The following NDUFAF2 variants were observed in gnomAD, a reference collection of about 807,000 sequenced individuals.
The protein encoded by NDUFAF2 is NADH dehydrogenase [ubiquinone] 1 alpha subcomplex assembly factor 2.
A neutral mutation model predicts 22.8 loss-of-function variants in NDUFAF2; 13 were observed. The ratio of observed to expected loss-of-function variants is 0.57; its 90% CI spans 0.37 to 0.91. The LOEUF (loss-of-function observed/expected upper bound fraction) is 0.91. NDUFAF2 is among the 40% of genes least tolerant of loss of function. NDUFAF2 has a pLI of 0.01. For missense variants in NDUFAF2, 162 were observed against 195.2 expected, an observed-to-expected ratio of 0.83 and a Z score of 1.01; for synonymous variants, 53 against 64.2, an observed-to-expected ratio of 0.83 and a Z score of 0.84.
chr5:61,049,858 A>G (rs1441612086), intron 1 of NDUFAF2, among the ~76,000 whole-genome samples: 1 of 149,196 alleles, frequency 6.7e-6, no homozygotes, highest in African/African-American at 2.5e-5. Flanking sequence ...TGAAAATTAT[A>G]TATACACAAA....
chr5:60,980,255 T>C (rs917532765), intron 1 of NDUFAF2, among the ~76,000 whole-genome samples: 1 of 152,198 alleles, frequency 6.6e-6, no homozygotes, highest in Non-Finnish European at 1.5e-5. Flanking sequence ...CAGCAGCGAA[T>C]ATCCATAAGC....
intron 3 of NDUFAF2, among the ~76,000 whole-genome samples, chr5:61,138,279 A>G (rs1486204584): frequency 5.5e-5 from 5 of 90,398 alleles, no homozygotes; most frequent in Non-Finnish European, 1.2e-4. Context: ...GAGTCCAAGC[A>G]AGAAATGCTA....
chr5:60,976,399 C>T (rs924920271), intron 1 of NDUFAF2, among the ~76,000 whole-genome samples: 1 of 151,684 alleles, frequency 6.6e-6, no homozygotes, highest in African/African-American at 2.4e-5. Context: ...TTAAATTTCT[C>T]AGACTCTTCT....
rs182728114 is a variant in NDUFAF2 at position 61,083,028 on chromosome 5, A to G, written c.217+9814A>G. On this transcript the variant is annotated intron_variant, in intron 2 of 3. Coordinates refer to ENST00000296597, the MANE Select transcript of NDUFAF2 (RefSeq NM_174889.5). ...AGTGTTCCCATTTCTTTGCAACTTC[A>G]CCAACATCTCTTATTTTTTGACTTT... is the stretch of plus-strand genomic sequence containing the variant. 3.0e-3 allele frequency among the ~76,000 whole-genome samples: 462 copies of G among 152,202 alleles called. 2 individuals are homozygous for G. Among genetic ancestry groups the G allele is most frequent in the Non-Finnish European group, 4.8e-3 (325 of 67,994 alleles).
chr5:60,950,222 C>T (rs578187510), intron 1 of NDUFAF2, among the ~76,000 whole-genome samples: 4 of 152,058 alleles, frequency 2.6e-5, no homozygotes, highest in South Asian at 2.1e-4. Context: ...ATTTCGCTCT[C>T]GTTGCCCAGG....
At chr5:61,036,629 G>C (rs538864717) in intron 1 of NDUFAF2, among the ~76,000 whole-genome samples, 1 of 152,104 alleles carries the variant, frequency 6.6e-6, no homozygotes, top group African/African-American at 2.4e-5. Flanking sequence ...GAAACTACAA[G>C]GTATAGGAAA....
chr5:60,978,588 G>C (rs540488870), intron 1 of NDUFAF2, among the ~76,000 whole-genome samples: 141 of 152,290 alleles, frequency 9.3e-4, no homozygotes, highest in Non-Finnish European at 1.7e-3. Context: ...ATAGCACCAA[G>C]GGGGATGGCG....
chr5:61,015,016 T>C (rs1751487882), intron 1 of NDUFAF2, among the ~76,000 whole-genome samples: 1 of 152,204 alleles, frequency 6.6e-6, no homozygotes, highest in African/African-American at 2.4e-5. Flanking sequence ...TAATGCAGAA[T>C]TTTTGTTTCT....
intron 1 of NDUFAF2, among the ~76,000 whole-genome samples, chr5:60,994,478 A>G (rs1751202993): frequency 6.6e-6 from 1 of 152,222 alleles, no homozygotes; most frequent in Non-Finnish European, 1.5e-5. Flanking sequence ...CAGCTTCTGC[A>G]GGGTCTGTGG....
chr5:60,967,436 C>T (rs1474393655), intron 1 of NDUFAF2, among the ~76,000 whole-genome samples: 2 of 151,946 alleles, frequency 1.3e-5, no homozygotes, highest in African/African-American at 4.8e-5. Context: ...AGAGGAAGAG[C>T]TTTCAACTTT....
At chr5:60,993,757 G>A (rs916263106) in intron 1 of NDUFAF2, among the ~76,000 whole-genome samples, 1 of 152,194 alleles carries the variant, frequency 6.6e-6, no homozygotes, top group South Asian at 2.1e-4. Flanking sequence ...AGGAGTTCCT[G>A]GAGTGGGTAG....
chr5:60,967,200 C>CTG (rs552971954), intron 1 of NDUFAF2, among the ~76,000 whole-genome samples: 6 of 151,976 alleles, frequency 3.9e-5, no homozygotes, highest in African/African-American at 1.4e-4. Context: ...TTTTTGTACC[C>CTG]TGCAACTTCA....
chr5:60,966,695 T>C (rs547904401), intron 1 of NDUFAF2, among the ~76,000 whole-genome samples: 1 of 152,270 alleles, frequency 6.6e-6, no homozygotes, highest in East Asian at 1.9e-4. Context: ...CTGGACATCC[T>C]ATTCTGTCCC....
rs377041236 is a variant in NDUFAF2 at position 60,968,001 on chromosome 5, CT to C, written c.127+22620del. Among the ~76,000 whole-genome samples, 236 of 151,672 alleles carry C rather than the reference CT, an allele frequency of 1.6e-3. 1 individual carries two copies. Among genetic ancestry groups the C allele is most frequent in the African/African-American group, 5.5e-3 (229 of 41,452 alleles). On this transcript the variant is annotated intron_variant, in intron 1 of 3. Transcript: ENST00000296597. The stretch of plus-strand genomic sequence containing the variant: ...TTTTCTTTAATGAGAGACTTTATTA[CT>C]GATCCAGTCTCCTTACTTGTTACTG...
intron 1 of NDUFAF2, among the ~76,000 whole-genome samples, chr5:60,968,271 T>G (rs1413309347): frequency 6.6e-6 from 1 of 151,864 alleles, no homozygotes; most frequent in Non-Finnish European, 1.5e-5. Context: ...TAAAAAATCT[T>G]TTAGAAAACC....
At chr5:61,005,658 A>T (rs158562) in intron 1 of NDUFAF2, among the ~76,000 whole-genome samples, 150,852 of 152,330 alleles carry the variant, frequency 0.99, 74,703 homozygotes, top group East Asian at 1. Context: ...TATCTCATTG[A>T]GGTTTTGATT....
chr5:61,078,876 T>A (rs952061006), intron 2 of NDUFAF2, among the ~76,000 whole-genome samples: 1 of 152,256 alleles, frequency 6.6e-6, no homozygotes, highest in Non-Finnish European at 1.5e-5. Flanking sequence ...GTAGTTCTTA[T>A]GTAGAGGCTC....
intron 1 of NDUFAF2, among the ~76,000 whole-genome samples, chr5:60,969,671 G>A (rs1017385446): frequency 6.6e-6 from 1 of 151,968 alleles, no homozygotes; most frequent in Non-Finnish European, 1.5e-5. Context: ...CCATTCTGTG[G>A]ATTGTCTCTT....
intron 1 of NDUFAF2, among the ~76,000 whole-genome samples, chr5:60,968,548 A>C (rs1750787419): frequency 6.6e-6 from 1 of 151,578 alleles, no homozygotes; most frequent in African/African-American, 2.4e-5. Context: ...TTTTTTGAAA[A>C]ATTTTTTTAT....
Sources: gnomAD v4.1 joint callset for allele counts (sites outside exome capture counted in the v4.1 genomes callset) on GRCh38, gnomAD v4.1.1 for gene constraint, MANE v1.5 for transcripts, NCBI Gene and HGNC (gene_info 2026-07-23, HGNC 2026-07-21) for gene names.